The following SHMT1 variants were observed in gnomAD, a reference collection of about 807,000 sequenced individuals.
SHMT1 encodes serine hydroxymethyltransferase 1, also known as serine hydroxymethyltransferase, cytosolic.
A neutral mutation model predicts 49.0 loss-of-function variants in SHMT1; 45 were observed. That is an observed-to-expected ratio of 0.92 (90% CI 0.72 to 1.18). The LOEUF is 1.18. Among genes scored for constraint, SHMT1 ranks in the 50% most tolerant of loss-of-function variants. The probability of loss-of-function intolerance (pLI) is 0.00; values close to 1 mark genes in which losing one functional copy is unlikely to be tolerated. For missense variants in SHMT1, 541 were observed against 612.4 expected (o/e 0.88, Z 1.23); for synonymous variants, 232 against 246.6 (o/e 0.94, Z 0.55).
Position 18,353,413 on chromosome 17 carries a change from ACTC to A in SHMT1, c.242+256_242+258del, listed in dbSNP as rs1985914549. The A allele has an allele frequency of 4.2e-5, 21 of 494,488 alleles. No homozygotes were observed. In the South Asian group the frequency reaches 4.3e-4, roughly 10 times the overall value. The allele number at this position is 494,488 out of a possible 1,614,324, so 30.6% of individuals were successfully genotyped here. A position where few individuals can be genotyped will look rare whatever the true frequency, so the allele number is the denominator to read the frequency against. On this transcript the variant is annotated intron_variant, in intron 3 of 11. Coordinates refer to ENST00000316694, the MANE Select transcript of SHMT1 (RefSeq NM_004169.5). Reference sequence around the variant, plus strand: ...CCACACACCAGTCCAGTGGCTCAATACTCCTTACAAACTGGCCTGTTTTTCTAG... The same window carrying A: ...CCACACACCAGTCCAGTGGCTCAATACTTACAAACTGGCCTGTTTTTCTAG...
intron 1 of SHMT1, among the ~76,000 whole-genome samples, chr17:18,361,667 T>C (rs540236085): frequency 6.7e-6 from 1 of 149,460 alleles, no homozygotes; most frequent in South Asian, 2.1e-4. Context: ...GCGCCTGTAG[T>C]CCCAGCTACT....
chr17:18,333,713 G>A (rs1378330016), intron 8 of SHMT1, among the ~76,000 whole-genome samples: 2 of 151,896 alleles, frequency 1.3e-5, no homozygotes, highest in Admixed American at 6.6e-5. Context: ...CAAGTGATCC[G>A]CCTGCCTTGG....
At chr17:18,355,607 T>C (rs929533413) in intron 2 of SHMT1, among the ~76,000 whole-genome samples, 22 of 152,082 alleles carry the variant, frequency 1.4e-4, no homozygotes, top group Non-Finnish European at 2.9e-5. Context: ...GATAGATCTA[T>C]ATTCCCTGTG....
At chr17:18,338,844 G>A (rs1984146811) in intron 7 of SHMT1, among the ~76,000 whole-genome samples, 2 of 151,940 alleles carry the variant, frequency 1.3e-5, no homozygotes, top group African/African-American at 4.8e-5. Context: ...ATGCTTGAAG[G>A]CGGCATGCTC....
chr17:18,352,236 C>A (rs1985792986), intron 3 of SHMT1, among the ~76,000 whole-genome samples: 1 of 149,786 alleles, frequency 6.7e-6, no homozygotes, highest in Admixed American at 6.8e-5. Flanking sequence ...AGCTCTGCCC[C>A]CTGGGGTTCA....
At chr17:18,360,895 C>A in intron 1 of SHMT1, among the ~76,000 whole-genome samples, 1 of 152,234 alleles carries the variant, frequency 6.6e-6, no homozygotes, top group East Asian at 1.9e-4. Flanking sequence ...AGCGGTCAGG[C>A]GCGGTGGCTG....
rs764348356 is a variant in SHMT1, at chr17:18,330,675, G to T, written c.1055-4C>A. On this transcript the variant is annotated splice_region_variant and splice_polypyrimidine_tract_variant and intron_variant, in intron 9 of 11. Coordinates refer to ENST00000316694, the MANE Select transcript of SHMT1 (RefSeq NM_004169.5). ...ATCAAATGGTTGTCAGAACCACCTGGAAACAAAGTTGGACATGTAGAAATG... is the reference window on the plus strand; with the variant it reads ...ATCAAATGGTTGTCAGAACCACCTGTAAACAAAGTTGGACATGTAGAAATG... 1.4e-5 allele frequency: 22 copies of T among 1,602,858 alleles called. No homozygotes were observed. Among genetic ancestry groups the T allele is most frequent in the Non-Finnish European group, 1.8e-5 (21 of 1,169,828 alleles).
At chr17:18,345,309 G>C (rs1468052274) in intron 5 of SHMT1, among the ~76,000 whole-genome samples, 1 of 152,210 alleles carries the variant, frequency 6.6e-6, no homozygotes. Context: ...CTAGGCTGGA[G>C]TGCACTGGTG....
rs777361388 is a variant in SHMT1, at chr17:18,340,227, T to C, written c.630A>G (p.Glu210=). ...CTGCAATCTTCCGTAGCCGGGCATATTCCAGGTTTCGGGAGTAGCAGCTGG... is the reference window on the plus strand; with the variant it reads ...CTGCAATCTTCCGTAGCCGGGCATACTCCAGGTTTCGGGAGTAGCAGCTGG... ...AGTSCYSRNL[E]YARLRKIADE... The change falls in exon 7 of 12, where the codon GAA becomes GAG. Residue 210 remains glutamate, a synonymous_variant. Coordinates refer to ENST00000316694, the MANE Select transcript of SHMT1 (RefSeq NM_004169.5). This position sits in a 1 kb window ranked among gnomAD's most constrained non-coding sequence, Gnocchi z 4.5. 16 of 1,614,130 alleles carry C rather than the reference T, an allele frequency of 9.9e-6. 1 individual carries two copies. The South Asian group carries it at 1.6e-4, about 17-fold the overall frequency.
chr17:18,342,828 C>T (rs193089476), intron 5 of SHMT1, among the ~76,000 whole-genome samples: 3 of 151,266 alleles, frequency 2.0e-5, no homozygotes, highest in East Asian at 4.0e-4. Context: ...CCCAGCTATT[C>T]GGGAGGCTGA....
In SHMT1 at chr17:18,333,277, C is replaced by T. The variant is rs1383524076; in HGVS notation, c.943G>A (p.Ala315Thr). 1 of 1,613,302 alleles carries T rather than the reference C, an allele frequency of 6.2e-7. No homozygotes were observed. ...HNHAIAGVAV[A>T]LKQAMTLEFK... is the part of the protein sequence containing the mutation. ...TCCAGAGTCATAGCTTGCTTCAGTG[C>T]CACAGCAACCCCTGGACAAGAAGAG... The change falls in exon 9 of 12, where the codon GCA (alanine) becomes ACA (threonine). Residue 315 changes from alanine (A) to threonine (T), a missense_variant. Physicochemically the swap from Ala to Thr is moderately conservative, Grantham distance 58. Coordinates refer to ENST00000316694, the MANE Select transcript of SHMT1 (RefSeq NM_004169.5).
intron 1 of SHMT1, among the ~76,000 whole-genome samples, chr17:18,359,944 T>TA (rs751992047): frequency 1.2e-3 from 151 of 128,104 alleles, no homozygotes; most frequent in South Asian, 1.5e-3. Flanking sequence ...GACTCTATCT[T>TA]AAAAAAAAAA....
At chr17:18,355,226 CG>C (rs1342157250) in intron 2 of SHMT1, among the ~76,000 whole-genome samples, 2 of 138,518 alleles carry the variant, frequency 1.4e-5, no homozygotes, top group African/African-American at 5.4e-5. Flanking sequence ...AAAAATTAGC[CG>C]GGTGTGGTGG....
chr17:18,346,638 T>C (rs750327163), intron 5 of SHMT1, among the ~76,000 whole-genome samples: 1 of 151,998 alleles, frequency 6.6e-6, no homozygotes, highest in African/African-American at 2.4e-5. Flanking sequence ...GGGGTTACAT[T>C]CCAATAAGCT....
In SHMT1 at chr17:18,340,654, C is replaced by T. The variant is rs576748652; in HGVS notation, c.601+78G>A. 14 of 1,307,486 alleles carry T rather than the reference C, an allele frequency of 1.1e-5. No individual in the cohort carries two copies. The highest frequency in any genetic ancestry group is 5.0e-5 in the East Asian group (2 of 40,160). 81.0% of individuals were successfully genotyped at this position (1,307,486 alleles called of 1,614,324 possible). A position where few individuals can be genotyped will look rare whatever the true frequency, so the allele number is the denominator to read the frequency against. On this transcript the variant is annotated intron_variant, in intron 6 of 11. Coordinates refer to ENST00000316694, the MANE Select transcript of SHMT1 (RefSeq NM_004169.5). The surrounding 1 kb of genome is among the most constrained non-coding windows in gnomAD (Gnocchi z 4.5). ...AACTAGCAGTGGGCTCAACAGGGTG[C>T]GAACATCTTTCCATCCTCATTCTGT...
chr17:18,339,949 C>A (rs1446468823), intron 7 of SHMT1, 94 bp downstream of exon 7: 1 of 1,241,362 alleles, frequency 8.1e-7, no homozygotes, highest in Non-Finnish European at 1.2e-6. Context: ...GATCCCAGGT[C>A]AGAGTTTTTC....
chr17:18,344,114 G>C (rs905051640), intron 5 of SHMT1, among the ~76,000 whole-genome samples: 2 of 152,000 alleles, frequency 1.3e-5, no homozygotes, highest in African/African-American at 4.8e-5. Context: ...GAAACTACCA[G>C]CACATCTGGA....
chr17:18,336,680 A>C (rs1983832334), intron 7 of SHMT1, among the ~76,000 whole-genome samples: 2 of 151,358 alleles, frequency 1.3e-5, no homozygotes, highest in South Asian at 4.2e-4. Flanking sequence ...GGAAAAAAAA[A>C]GTCCATGTAA....
intron 10 of SHMT1, among the ~76,000 whole-genome samples, chr17:18,330,312 T>G (rs1016620098): frequency 2.6e-5 from 4 of 152,040 alleles, no homozygotes; most frequent in African/African-American, 7.2e-5. Flanking sequence ...ATTCTTCTAT[T>G]TTTAGTAGAG....
Sources: allele counts gnomAD v4.1 joint callset (sites outside exome capture counted in the v4.1 genomes callset), GRCh38; gene constraint gnomAD v4.1.1; non-coding constraint Gnocchi (gnomAD v3.1); transcripts MANE v1.5; gene names NCBI Gene and HGNC (gene_info 2026-07-23, HGNC 2026-07-21).